Variants in MBD5 observed in about 807,000 individuals in gnomAD.
The protein encoded by MBD5 is methyl-CpG binding domain protein 5, also known as methyl-CpG-binding domain protein 5.
Under a neutral mutation model 117.3 loss-of-function variants are expected in MBD5, and 13 were observed. The observed-to-expected ratio is 0.11, with a 90% CI of 0.07 to 0.18. The LOEUF (loss-of-function observed/expected upper bound fraction) is 0.18, where lower values mean the gene tolerates loss of function less well. Ranked by LOEUF, MBD5 falls within the 10% of genes least tolerant of loss-of-function variation. MBD5 has a pLI of 1.00. For synonymous variants in MBD5, 727 were observed against 766.4 expected (o/e 0.95, Z 0.85); for missense variants, 1,879 against 2,093.8 (o/e 0.90, Z 2.00).
At chr2:148,348,026 C>T (rs1028018832) in intron 4 of MBD5, among the ~76,000 whole-genome samples, 2 of 151,944 alleles carry the variant, frequency 1.3e-5, no homozygotes, top group African/African-American at 4.8e-5. Context: ...AGCCCATCAC[C>T]TTGTACGATG....
intron 3 of MBD5, among the ~76,000 whole-genome samples, chr2:148,330,033 A>ACCCCCCCCCCC (rs56712549): frequency 7.1e-3 from 126 of 17,686 alleles, no homozygotes; most frequent in Non-Finnish European, 9.1e-3. Flanking sequence ...GTAGGTAAGA[A>ACCCCCCCCCCC]CCCCCCCCCG....
At chr2:148,118,904 A>G (rs542617112) in intron 1 of MBD5, among the ~76,000 whole-genome samples, 1 of 152,318 alleles carries the variant, frequency 6.6e-6, no homozygotes, top group South Asian at 2.1e-4. Flanking sequence ...TTGTATGGAT[A>G]TATACCACAT....
rs201582913 is a variant in MBD5 at position 148,280,002 on chromosome 2, C to CT, written c.-680+46614dup. On this transcript the variant is annotated intron_variant, in intron 3 of 13. Coordinates refer to ENST00000642680, the MANE Select transcript of MBD5 (RefSeq NM_001378120.1). ...GTTTTGTTTAGTTAATTTTTCTTCA[C>CT]TTTTTTTCCTCCTTTCATGACATCT... Among the ~76,000 whole-genome samples the CT allele has an allele frequency of 1.0e-2, 1,516 of 151,962 alleles. 25 individuals are homozygous for CT. Among genetic ancestry groups the CT allele is most frequent in the African/African-American group, 0.035 (1,452 of 41,454 alleles).
intron 1 of MBD5, among the ~76,000 whole-genome samples, chr2:148,172,722 A>G (rs1338965116): frequency 1.3e-5 from 2 of 152,146 alleles, no homozygotes; most frequent in Non-Finnish European, 2.9e-5. Flanking sequence ...CAGACCCGCC[A>G]TGGCTGCCCA....
chr2:148,304,883 G>A (rs544268683), intron 3 of MBD5, among the ~76,000 whole-genome samples: 1 of 152,118 alleles, frequency 6.6e-6, no homozygotes, highest in African/African-American at 2.4e-5. Context: ...TAAAAAAACG[G>A]TGAAACCCCG....
At chr2:148,044,460 C>T (rs996953976) in intron 1 of MBD5, 4 of 152,070 alleles carry the variant, frequency 2.6e-5, no homozygotes, top group Non-Finnish European at 5.9e-5. Flanking sequence ...GTTTCCTAGA[C>T]AAGGATTATG....
intron 3 of MBD5, among the ~76,000 whole-genome samples, chr2:148,340,668 T>A (rs535665383): frequency 6.6e-6 from 1 of 152,248 alleles, no homozygotes; most frequent in African/African-American, 2.4e-5. Flanking sequence ...AAATCAAGTT[T>A]CTGCCTTTTG....
chr2:148,324,783 G>A (rs565041023), intron 3 of MBD5, among the ~76,000 whole-genome samples: 4 of 152,092 alleles, frequency 2.6e-5, no homozygotes, highest in African/African-American at 4.8e-5. Flanking sequence ...TCTGCAAACA[G>A]GGACAATTTG....
At chr2:148,427,087 C>G (rs1487293707) in intron 4 of MBD5, among the ~76,000 whole-genome samples, 1 of 152,144 alleles carries the variant, frequency 6.6e-6, no homozygotes, top group Admixed American at 6.5e-5. Context: ...AAATGCAAAT[C>G]AAAACCACAA....
chr2:148,393,372 T>A (rs180685014), intron 4 of MBD5: 7 of 152,122 alleles, frequency 4.6e-5, no homozygotes, highest in Admixed American at 4.6e-4. Flanking sequence ...AGTCTGAAAT[T>A]AAGGAAAGTA....
intron 1 of MBD5, among the ~76,000 whole-genome samples, chr2:148,036,438 T>C (rs1694197126): frequency 6.6e-6 from 1 of 152,164 alleles, no homozygotes; most frequent in South Asian, 2.1e-4. Flanking sequence ...TTGTATTAGC[T>C]TGTGTCTGCT....
chr2:148,382,055 G>C (rs1377257912), intron 4 of MBD5, among the ~76,000 whole-genome samples: 3 of 152,070 alleles, frequency 2.0e-5, no homozygotes, highest in Non-Finnish European at 4.4e-5. Context: ...ATCAAATAAC[G>C]AGCGAAATAA....
chr2:148,277,467 A>G (rs937992546), intron 3 of MBD5, among the ~76,000 whole-genome samples: 1 of 152,122 alleles, frequency 6.6e-6, no homozygotes, highest in Non-Finnish European at 1.5e-5. Context: ...AAGCTGTCAA[A>G]TATTTCCTAA....
chr2:148,147,282 A>G (rs563585550), intron 1 of MBD5, among the ~76,000 whole-genome samples: 71 of 151,236 alleles, frequency 4.7e-4, no homozygotes, highest in African/African-American at 1.7e-3. Flanking sequence ...TCGCACTGTC[A>G]CCCAGGCTGG....
chr2:148,419,855 T>A (rs1218309946), intron 4 of MBD5, among the ~76,000 whole-genome samples: 2 of 152,120 alleles, frequency 1.3e-5, no homozygotes, highest in Admixed American at 1.3e-4. Context: ...ATATAAGAGT[T>A]ATTTATTTTC....
intron 3 of MBD5, among the ~76,000 whole-genome samples, chr2:148,248,169 G>A (rs768731762): frequency 1.1e-4 from 17 of 152,090 alleles, no homozygotes; most frequent in African/African-American, 2.7e-4. Flanking sequence ...TTAAGGTCCC[G>A]TCAGTACGGA....
chr2:148,378,699 T>C (rs1322807698), intron 4 of MBD5, among the ~76,000 whole-genome samples: 1 of 152,058 alleles, frequency 6.6e-6, no homozygotes, highest in East Asian at 1.9e-4. Flanking sequence ...TTGGCTAGCT[T>C]TGTCTTAATG....
intron 1 of MBD5, among the ~76,000 whole-genome samples, chr2:148,154,263 C>T (rs1023808405): frequency 6.6e-6 from 1 of 152,052 alleles, no homozygotes; most frequent in Non-Finnish European, 1.5e-5. Context: ...GGGTCAGTGA[C>T]CCACTTGAGG....
chr2:148,444,133 A>G (rs1308389713), intron 4 of MBD5, among the ~76,000 whole-genome samples: 1 of 148,636 alleles, frequency 6.7e-6, no homozygotes, highest in African/African-American at 2.5e-5. Context: ...AAGTGGAAAT[A>G]TTATTTATTC....
Sources: allele counts gnomAD v4.1 joint callset (sites outside exome capture counted in the v4.1 genomes callset), GRCh38; gene constraint gnomAD v4.1.1; transcripts MANE v1.5; gene names NCBI Gene and HGNC (gene_info 2026-07-23, HGNC 2026-07-21).